The following SMCHD1 variants were observed in gnomAD, a reference collection of about 807,000 sequenced individuals.
SMCHD1 encodes structural maintenance of chromosomes flexible hinge domain-containing protein 1.
In SMCHD1, 78 loss-of-function variants were observed where a neutral mutation model predicts 254.7. The observed-to-expected ratio is 0.31, with a 90% confidence interval of 0.26 to 0.37. The LOEUF is 0.37. Among genes scored for constraint, SMCHD1 ranks in the 10% least tolerant of loss-of-function variants. SMCHD1 has a pLI of 1.00. For synonymous variants in SMCHD1, 766 were observed against 794.9 expected, an observed-to-expected ratio of 0.96 and a Z score of 0.61; for missense variants, 1,840 against 2,408.1, an observed-to-expected ratio of 0.76 and a Z score of 4.94.
At chr18:2,670,245 C>A (rs1220217304) in intron 3 of SMCHD1, among the ~76,000 whole-genome samples, 1 of 152,096 alleles carries the variant, frequency 6.6e-6, no homozygotes, top group African/African-American at 2.4e-5. Context: ...CACTCCCCTT[C>A]ACTGCCATCC....
chr18:2,672,668 A>C (rs2073642679), intron 3 of SMCHD1, among the ~76,000 whole-genome samples: 1 of 152,112 alleles, frequency 6.6e-6, no homozygotes, highest in South Asian at 2.1e-4. Context: ...TGAAGAAAGG[A>C]GAATATTAGT....
chr18:2,676,566 A>G (rs918045832), intron 5 of SMCHD1, among the ~76,000 whole-genome samples: 7 of 152,196 alleles, frequency 4.6e-5, no homozygotes, highest in African/African-American at 1.7e-4. Context: ...TAGTAGATAG[A>G]GGGGAGAGTA....
At chr18:2,739,654 G>A (rs1320012196) in intron 27 of SMCHD1, 134 bp downstream of exon 27, 2 of 626,426 alleles carry the variant, frequency 3.2e-6, no homozygotes, top group Non-Finnish European at 5.5e-6. Context: ...AAAATCTATT[G>A]TCAGATAAGA....
intron 22 of SMCHD1, 133 bp from the exon 23 acceptor site, chr18:2,728,324 T>C (rs940737987): frequency 3.6e-6 from 3 of 825,562 alleles, no homozygotes; most frequent in Admixed American, 5.7e-5. Context: ...AGCATGGACA[T>C]TGCCTATATT....
chr18:2,785,103 C>T (rs2076218022), intron 45 of SMCHD1: 1 of 263,424 alleles, frequency 3.8e-6, no homozygotes, highest in Non-Finnish European at 7.5e-6. Flanking sequence ...CCCCTTTTTC[C>T]CTTCCACAGG....
In SMCHD1 at chr18:2,662,180, AAAATAAAT is replaced by A. The variant is rs1555624073; in HGVS notation, c.187-3961_187-3954del. 7.9e-4 allele frequency among the ~76,000 whole-genome samples: 71 copies of A among 89,864 alleles called. 3 individuals are homozygous for A. Among genetic ancestry groups the A allele is most frequent in the African/African-American group, 4.1e-3 (66 of 16,068 alleles). 59.0% of individuals were successfully genotyped at this position (89,864 alleles called of 152,430 possible). A position where few individuals can be genotyped will look rare whatever the true frequency, so the allele number is the denominator to read the frequency against. ...GACTCCGTCTCAAAAAAAAAAAAAT[AAAATAAAT>A]AAATAAATAAATAAAGAAAGAAAGA... On this transcript the variant is annotated intron_variant, in intron 1 of 47. Coordinates refer to ENST00000320876, the MANE Select transcript of SMCHD1 (RefSeq NM_015295.3).
chr18:2,769,231 G>A (rs931528873), intron 37 of SMCHD1, among the ~76,000 whole-genome samples: 1 of 152,058 alleles, frequency 6.6e-6, no homozygotes, highest in African/African-American at 2.4e-5. Flanking sequence ...TCTGTCACCT[G>A]GGACTTTGAT....
At chr18:2,769,034 T>C (rs968589156) in intron 37 of SMCHD1, among the ~76,000 whole-genome samples, 1 of 152,262 alleles carries the variant, frequency 6.6e-6, no homozygotes, top group South Asian at 2.1e-4. Flanking sequence ...TGTATTGTTA[T>C]AGTCTAAACA....
chr18:2,708,878 AT>A lies in SMCHD1; in HGVS notation c.2260+959del, dbSNP rs1568198090. On this transcript the variant is annotated intron_variant, in intron 17 of 47. Coordinates refer to ENST00000320876, the MANE Select transcript of SMCHD1 (RefSeq NM_015295.3). ...ATTTTCAATAACTTCATATATATATATATATATATATATATATATATATATA... is the reference window on the plus strand; with the variant it reads ...ATTTTCAATAACTTCATATATATATAATATATATATATATATATATATATA... 3.9e-3 allele frequency among the ~76,000 whole-genome samples: 222 copies of A among 56,762 alleles called. 27 individuals are homozygous for A. The highest frequency in any genetic ancestry group is 0.02 in the East Asian group (24 of 1,178). 37.2% of individuals were successfully genotyped at this position (56,762 alleles called of 152,430 possible). A position where few individuals can be genotyped will look rare whatever the true frequency, so the allele number is the denominator to read the frequency against.
chr18:2,725,324 A>T (rs776761241), intron 21 of SMCHD1, among the ~76,000 whole-genome samples: 1 of 147,428 alleles, frequency 6.8e-6, no homozygotes. Context: ...TCTCTCTCCT[A>T]CTGTTTCTGT....
chr18:2,668,069 G>A (rs545530006), intron 3 of SMCHD1, among the ~76,000 whole-genome samples: 2 of 152,084 alleles, frequency 1.3e-5, no homozygotes, highest in East Asian at 1.9e-4. Flanking sequence ...TAGTAGAGAC[G>A]GAGTTTCACC....
intron 1 of SMCHD1, 60 bp from the exon 2 acceptor site, chr18:2,666,097 T>C (rs1235365902): frequency 2.6e-6 from 2 of 762,294 alleles, no homozygotes; most frequent in Non-Finnish European, 4.3e-6. Flanking sequence ...TTTTTATAAA[T>C]TTGAATAATA....
At chr18:2,716,327 C>T (rs2074799090) in intron 17 of SMCHD1, among the ~76,000 whole-genome samples, 1 of 152,132 alleles carries the variant, frequency 6.6e-6, no homozygotes, top group South Asian at 2.1e-4. Flanking sequence ...GAGCACTGCA[C>T]AATTGTTTTA....
rs2074858578 is a variant in SMCHD1, at chr18:2,718,795, T to A, written c.2458+361T>A. ...CTCGATCTCATAACTTCTGATGATC[T>A]ACCTGCCTCAGCCTCCCAAAGTGCT... On this transcript the variant is annotated intron_variant, in intron 19 of 47. Transcript: ENST00000320876. The surrounding 1 kb of genome is among the most constrained non-coding windows in gnomAD (Gnocchi z 4.6). Among the ~76,000 whole-genome samples, 1 of 152,168 alleles carries A rather than the reference T, an allele frequency of 6.6e-6. No individual in the cohort carries two copies. The highest frequency in any genetic ancestry group is 2.4e-5 in the African/African-American group (1 of 41,452).
intron 17 of SMCHD1, among the ~76,000 whole-genome samples, chr18:2,710,556 G>C (rs568557591): frequency 2.6e-5 from 4 of 152,226 alleles, no homozygotes; most frequent in Admixed American, 6.5e-5. Flanking sequence ...GAGTTTATTA[G>C]CTATACCAGG....
At position 2,729,267 on chromosome 18, in the gene SMCHD1, T is replaced by C. The variant is rs886043095; in HGVS notation, c.2914-8T>C. 1.2e-5 allele frequency: 17 copies of C among 1,452,958 alleles called. No homozygotes were observed. The South Asian group carries it at 1.2e-4, about 10-fold the overall frequency. 90.0% of individuals were successfully genotyped at this position (1,452,958 alleles called of 1,614,324 possible). A position where few individuals can be genotyped will look rare whatever the true frequency, so the allele number is the denominator to read the frequency against. On this transcript the variant is annotated splice_polypyrimidine_tract_variant and splice_region_variant and intron_variant, in intron 23 of 47. Transcript: ENST00000320876. ...GGGGTCTTACATTATTTTTCATCTTTCAAATAGTTTTCAGGTGCTCCAAAC... is the reference window on the plus strand; with the variant it reads ...GGGGTCTTACATTATTTTTCATCTTCCAAATAGTTTTCAGGTGCTCCAAAC...
intron 5 of SMCHD1, among the ~76,000 whole-genome samples, chr18:2,683,420 CCAA>C (rs1330931615): frequency 1.3e-5 from 2 of 152,146 alleles, no homozygotes; most frequent in African/African-American, 4.8e-5. Context: ...TATAAGTGTT[CCAA>C]CATATTTTCC....
At chr18:2,784,887 G>A (rs552264530) in intron 45 of SMCHD1, 2 of 492,592 alleles carry the variant, frequency 4.1e-6, no homozygotes, top group South Asian at 3.1e-5. Context: ...TAAGACAAGA[G>A]TGTCGCTTGA....
intron 3 of SMCHD1, chr18:2,672,997 G>A (rs1220534359): frequency 7.0e-5 from 59 of 840,914 alleles, no homozygotes; most frequent in Non-Finnish European, 7.9e-5. Flanking sequence ...GTCTCTTAAT[G>A]TCTGTATGTC....
Sources: allele counts gnomAD v4.1 joint callset (sites outside exome capture counted in the v4.1 genomes callset), GRCh38; gene constraint gnomAD v4.1.1; non-coding constraint Gnocchi (gnomAD v3.1); transcripts MANE v1.5; gene names NCBI Gene and HGNC (gene_info 2026-07-23, HGNC 2026-07-21).